NFATC1: variants seen among roughly 807,000 people sequenced by gnomAD.
NFATC1 encodes the protein nuclear factor of activated T cells 1.
A neutral mutation model predicts 76.0 loss-of-function variants in NFATC1; 22 were observed. That is an observed-to-expected ratio of 0.29 (90% CI 0.21 to 0.41). The LOEUF is 0.41. NFATC1 is among the 10% of genes least tolerant of loss of function. The pLI is 1.00. For synonymous variants in NFATC1, 704 were observed against 613.1 expected (o/e 1.15, Z -2.19); for missense variants, 1,357 against 1,337.7 (o/e 1.01, Z -0.23).
At chr18:79,483,810 A>T (rs1299279881) in intron 8 of NFATC1, among the ~76,000 whole-genome samples, 1 of 117,666 alleles carries the variant, frequency 8.5e-6, no homozygotes, top group Non-Finnish European at 1.7e-5. Flanking sequence ...GTGTCACTCC[A>T]GCGTGACCTG....
chr18:79,503,185 C>T (rs2090049574), intron 9 of NFATC1, among the ~76,000 whole-genome samples: 1 of 152,210 alleles, frequency 6.6e-6, no homozygotes, highest in Non-Finnish European at 1.5e-5. Context: ...TGGAAACCCT[C>T]ATGCTCTGGG....
At chr18:79,488,630 A>G (rs1412117715) in intron 9 of NFATC1, among the ~76,000 whole-genome samples, 2 of 152,176 alleles carry the variant, frequency 1.3e-5, no homozygotes, top group Non-Finnish European at 2.9e-5. Flanking sequence ...CATGGGGCCC[A>G]TGTCCCTGCT....
At chr18:79,407,722 G>C (rs2085490727) in intron 1 of NFATC1, among the ~76,000 whole-genome samples, 2 of 152,198 alleles carry the variant, frequency 1.3e-5, no homozygotes, top group Non-Finnish European at 2.9e-5. Context: ...TGGGATTATA[G>C]GCGTGAGCCA....
chr18:79,458,750 C>T (rs571512874), intron 6 of NFATC1, among the ~76,000 whole-genome samples: 5 of 152,344 alleles, frequency 3.3e-5, no homozygotes, highest in Non-Finnish European at 5.9e-5. Context: ...CGGCGCTGCC[C>T]GTCCGGGCCT....
intron 2 of NFATC1, among the ~76,000 whole-genome samples, chr18:79,420,485 T>G (rs556600813): frequency 4.3e-4 from 47 of 109,022 alleles, no homozygotes; most frequent in African/African-American, 1.2e-3. Context: ...TCCAGGTGAC[T>G]TCGCTGCAGA....
chr18:79,526,888 G>A (rs1057190494), intron 9 of NFATC1, among the ~76,000 whole-genome samples: 4 of 152,220 alleles, frequency 2.6e-5, no homozygotes, highest in East Asian at 1.9e-4. Flanking sequence ...GTCAGCGCAC[G>A]CCCCACCAGA....
chr18:79,411,038 C>T lies in NFATC1; in HGVS notation c.763C>T (p.Arg255Cys), dbSNP rs370687286. ...SVTEESWLGA[R>C]SSRPASPCNK... Reference sequence around the variant, plus strand: ...CACTGAGGAGAGCTGGCTGGGTGCCCGCTCCTCCAGACCCGCGTCCCCTTG... The same window carrying T: ...CACTGAGGAGAGCTGGCTGGGTGCCTGCTCCTCCAGACCCGCGTCCCCTTG... The change falls in exon 2 of 10, where the codon CGC becomes TGC. Residue 255 changes from arginine to cysteine, a missense_variant. Coordinates refer to ENST00000427363, the MANE Select transcript of NFATC1 (RefSeq NM_001278669.2). The T allele has an allele frequency of 5.4e-5, 87 of 1,611,620 alleles. No homozygotes were observed. Among genetic ancestry groups the T allele is most frequent in the South Asian group, 6.6e-5 (6 of 90,996 alleles).
intron 2 of NFATC1, among the ~76,000 whole-genome samples, chr18:79,415,393 C>T (rs538712698): frequency 6.6e-6 from 1 of 152,284 alleles, no homozygotes; most frequent in African/African-American, 2.4e-5. Context: ...CGCCATTCTC[C>T]TGACTCAGCC....
At chr18:79,436,443 A>AGGGTGGCG (rs989463036) in intron 3 of NFATC1, among the ~76,000 whole-genome samples, 13 of 151,122 alleles carry the variant, frequency 8.6e-5, no homozygotes, top group Admixed American at 4.6e-4. Context: ...TGAGCCCTGG[A>AGGGTGGCG]GGGTGGCGGG....
chr18:79,456,368 C>T (rs1431854377), intron 6 of NFATC1, among the ~76,000 whole-genome samples: 1 of 152,208 alleles, frequency 6.6e-6, no homozygotes, highest in Non-Finnish European at 1.5e-5. Flanking sequence ...TCAGAGGAGT[C>T]CCCAGGCCTG....
chr18:79,511,020 G>A (rs1169314054), intron 9 of NFATC1, among the ~76,000 whole-genome samples: 2 of 152,238 alleles, frequency 1.3e-5, no homozygotes, highest in African/African-American at 2.4e-5. Context: ...CGCTGGCGAG[G>A]CCTGGCGTGG....
chr18:79,400,413 G>A, intron 1 of NFATC1: 2 of 1,495,896 alleles, frequency 1.3e-6, no homozygotes, highest in Non-Finnish European at 1.8e-6. Context: ...GGAGGACCAG[G>A]AGTTCGACTT....
chr18:79,510,843 ATCCTCTGCCGGG>A (rs2090228501), intron 9 of NFATC1, among the ~76,000 whole-genome samples: 1 of 149,120 alleles, frequency 6.7e-6, no homozygotes, highest in African/African-American at 2.5e-5. Context: ...CTGCCGGGGC[ATCCTCTGCCGGG>A]GCATCCTCTG....
At chr18:79,432,545 G>A (rs567203704) in intron 2 of NFATC1, among the ~76,000 whole-genome samples, 39 of 152,350 alleles carry the variant, frequency 2.6e-4, no homozygotes, top group African/African-American at 8.4e-4. Flanking sequence ...AGTAGGCAGT[G>A]CTGGGGAGAC....
chr18:79,411,051 C>G lies in NFATC1; in HGVS notation c.776C>G (p.Pro259Arg), dbSNP rs757645105. The change falls in exon 2 of 10, where the codon CCC (proline) becomes CGC (arginine). Residue 259 changes from proline to arginine, a missense_variant. This residue lies in a region of NFATC1 where 691 missense variants were observed against 613.1 expected (regional missense o/e 1.13). Transcript: ENST00000427363. ...ESWLGARSSR[P>R]ASPCNKRKYS... ...TGGCTGGGTGCCCGCTCCTCCAGAC[C>G]CGCGTCCCCTTGCAACAAGAGGAAG... 1.9e-6 allele frequency: 3 copies of G among 1,612,008 alleles called. No individual in the cohort carries two copies. In the Admixed American group the frequency reaches 5.0e-5, roughly 27 times the overall value.
chr18:79,521,110 TGTG>T (rs2090541655), intron 9 of NFATC1, among the ~76,000 whole-genome samples: 2 of 76,158 alleles, frequency 2.6e-5, no homozygotes, highest in Non-Finnish European at 4.9e-5. Context: ...TCTGTGTGTG[TGTG>T]GGGGGCGTCT....
chr18:79,519,792 C>T (rs1186544598), intron 9 of NFATC1, among the ~76,000 whole-genome samples: 11 of 152,204 alleles, frequency 7.2e-5, no homozygotes, highest in Non-Finnish European at 1.5e-4. Context: ...GGTCTCCGTC[C>T]GTGAAGGACT....
At chr18:79,520,647 T>TGTG (rs1569052545) in intron 9 of NFATC1, among the ~76,000 whole-genome samples, 1 of 30,976 alleles carries the variant, frequency 3.2e-5, no homozygotes, top group African/African-American at 1.5e-4. Flanking sequence ...TGTCTGTGTG[T>TGTG]CGGGGGGGGC....
intron 3 of NFATC1, among the ~76,000 whole-genome samples, chr18:79,433,978 C>T (rs927406877): frequency 2.6e-5 from 4 of 152,262 alleles, no homozygotes; most frequent in Non-Finnish European, 5.9e-5. Flanking sequence ...AAGCAGCTCT[C>T]GTATCCGTGG....
Sources: allele counts gnomAD v4.1 joint callset (sites outside exome capture counted in the v4.1 genomes callset), GRCh38; gene constraint gnomAD v4.1.1; regional missense constraint gnomAD v4.1.1; transcripts MANE v1.5; gene names NCBI Gene and HGNC (gene_info 2026-07-23, HGNC 2026-07-21).